Variants in RNF216 observed in about 807,000 individuals in gnomAD.
RNF216 encodes E3 ubiquitin-protein ligase RNF216.
RNF216 carries 72 observed loss-of-function variants against 110.8 expected under a neutral mutation model. The observed-to-expected ratio is 0.65, with a 90% CI of 0.54 to 0.79. The LOEUF (loss-of-function observed/expected upper bound fraction) is 0.79, where lower values mean the gene tolerates loss of function less well. Ranked by LOEUF, RNF216 falls within the 30% of genes least tolerant of loss-of-function variation. The probability of loss-of-function intolerance (pLI) is 0.00; values close to 1 mark genes in which losing one functional copy is unlikely to be tolerated. For missense variants in RNF216, 1,342 were observed against 1,141.2 expected (o/e 1.18, Z -2.54); for synonymous variants, 495 against 407.5 (o/e 1.21, Z -2.59).
chr7:5,682,789 G>A (rs1026274365), intron 13 of RNF216, among the ~76,000 whole-genome samples: 2 of 152,120 alleles, frequency 1.3e-5, no homozygotes, highest in African/African-American at 4.8e-5. Flanking sequence ...TTGAAACTGT[G>A]CTCCAAGAGT....
intron 13 of RNF216, among the ~76,000 whole-genome samples, chr7:5,685,950 C>T (rs1452045059): frequency 1.3e-5 from 2 of 152,076 alleles, no homozygotes; most frequent in African/African-American, 2.4e-5. Flanking sequence ...CGGCCGGGCG[C>T]GGTGGCTCAC....
intron 3 of RNF216, among the ~76,000 whole-genome samples, chr7:5,748,058 C>T (rs1349333480): frequency 3.9e-5 from 6 of 152,144 alleles, no homozygotes; most frequent in African/African-American, 1.4e-4. Context: ...TTGCTAAGCT[C>T]CATACCAATA....
chr7:5,727,505 T>C (rs186295600), intron 7 of RNF216, among the ~76,000 whole-genome samples: 14 of 152,286 alleles, frequency 9.2e-5, no homozygotes, highest in Admixed American at 2.6e-4. Flanking sequence ...GGTGGGAGGA[T>C]AGCCTGAGGC....
chr7:5,738,702 C>T (rs1377283124), intron 5 of RNF216, among the ~76,000 whole-genome samples: 32 of 75,270 alleles, frequency 4.3e-4, no homozygotes, highest in South Asian at 1.1e-3. Context: ...AGTGAGACTC[C>T]GTCTCAAAAA....
chr7:5,730,628 T>G (rs949120226), intron 6 of RNF216, 87 bp downstream of exon 6: 92 of 1,588,446 alleles, frequency 5.8e-5, no homozygotes, highest in Non-Finnish European at 7.4e-5. Flanking sequence ...CAAAGCACTT[T>G]CTTCCCACAG....
At chr7:5,780,926 C>T (rs903737739) in intron 1 of RNF216, among the ~76,000 whole-genome samples, 2 of 152,190 alleles carry the variant, frequency 1.3e-5, no homozygotes, top group African/African-American at 2.4e-5. Flanking sequence ...GCAGAACCAC[C>T]TCGACGCGGG....
At chr7:5,685,754 A>G (rs898023516) in intron 13 of RNF216, among the ~76,000 whole-genome samples, 5 of 152,230 alleles carry the variant, frequency 3.3e-5, no homozygotes, top group African/African-American at 1.2e-4. Flanking sequence ...TAGCTAAATC[A>G]AATTCATCTT....
intron 1 of RNF216, among the ~76,000 whole-genome samples, chr7:5,779,820 C>G (rs568260364): frequency 7.4e-6 from 1 of 134,490 alleles, no homozygotes; most frequent in African/African-American, 2.8e-5. Context: ...TACAGCCAGA[C>G]TCCGCCTCAA....
At chr7:5,685,470 TC>T (rs1293050846) in intron 13 of RNF216, among the ~76,000 whole-genome samples, 1 of 152,156 alleles carries the variant, frequency 6.6e-6, no homozygotes, top group Non-Finnish European at 1.5e-5. Context: ...TCTGTTACTT[TC>T]CAAGACACTA....
intron 13 of RNF216, among the ~76,000 whole-genome samples, chr7:5,665,622 C>T (rs1562804789): frequency 1.3e-5 from 2 of 151,972 alleles, no homozygotes; most frequent in Non-Finnish European, 2.9e-5. Flanking sequence ...GGAGAGACCA[C>T]ACATAGCTGC....
At chr7:5,663,309 G>A (rs1789270665) in intron 13 of RNF216, among the ~76,000 whole-genome samples, 1 of 152,138 alleles carries the variant, frequency 6.6e-6, no homozygotes, top group Non-Finnish European at 1.5e-5. Context: ...GGCCAGGCAT[G>A]GTGGCTTACG....
chr7:5,710,285 A>T (rs1792586917), intron 13 of RNF216, among the ~76,000 whole-genome samples: 1 of 151,586 alleles, frequency 6.6e-6, no homozygotes, highest in Non-Finnish European at 1.5e-5. Context: ...GCTTGAAGCC[A>T]GGAGGCGGAG....
At chr7:5,653,089 G>C (rs536536624) in intron 13 of RNF216, among the ~76,000 whole-genome samples, 4 of 152,138 alleles carry the variant, frequency 2.6e-5, no homozygotes, top group Non-Finnish European at 5.9e-5. Flanking sequence ...GCTTCTACTG[G>C]ATTGAAGAAT....
chr7:5,716,171 C>A (rs149812076), intron 10 of RNF216, among the ~76,000 whole-genome samples: 97 of 152,238 alleles, frequency 6.4e-4, no homozygotes, highest in African/African-American at 2.0e-3. Flanking sequence ...GAATTACAGG[C>A]ACGAGCCACG....
chr7:5,652,557 C>T (rs1562791580), intron 13 of RNF216, 47 bp from the exon 14 acceptor site: 1 of 1,254,346 alleles, frequency 8.0e-7, no homozygotes, highest in Non-Finnish European at 1.2e-6. Context: ...TGAGTGGACA[C>T]CACAGAAGTT....
At chr7:5,677,432 T>A (rs1194689116) in intron 13 of RNF216, among the ~76,000 whole-genome samples, 1 of 152,142 alleles carries the variant, frequency 6.6e-6, no homozygotes, top group East Asian at 1.9e-4. Flanking sequence ...CAGGCTTTCC[T>A]CTATAAAAGG....
At chr7:5,751,094 G>C (rs912573267) in intron 3 of RNF216, among the ~76,000 whole-genome samples, 3 of 152,214 alleles carry the variant, frequency 2.0e-5, no homozygotes, top group African/African-American at 7.2e-5. Flanking sequence ...CCTAACGGCA[G>C]TCTCCTTGGT....
chr7:5,775,989 A>T (rs771680151), intron 1 of RNF216, among the ~76,000 whole-genome samples: 7 of 152,148 alleles, frequency 4.6e-5, no homozygotes, highest in Non-Finnish European at 8.8e-5. Flanking sequence ...AAATGTCTAT[A>T]AACGATTGTT....
At chr7:5,707,283 T>C (rs1425818323) in intron 13 of RNF216, among the ~76,000 whole-genome samples, 1 of 152,220 alleles carries the variant, frequency 6.6e-6, no homozygotes, top group African/African-American at 2.4e-5. Flanking sequence ...TGTCTTTCCA[T>C]TTATTTATGT....
Sources: gnomAD v4.1 joint callset for allele counts (sites outside exome capture counted in the v4.1 genomes callset) on GRCh38, gnomAD v4.1.1 for gene constraint, MANE v1.5 for transcripts, NCBI Gene and HGNC (gene_info 2026-07-23, HGNC 2026-07-21) for gene names.